Variants in CA1 observed in about 807,000 individuals in gnomAD.
The protein encoded by CA1 is carbonic anhydrase 1, also known as carbonate dehydratase I.
A neutral mutation model predicts 28.8 loss-of-function variants in CA1; 27 were observed. That is an observed-to-expected ratio of 0.94 (90% CI 0.69 to 1.29). The LOEUF is 1.29. Among genes scored for constraint, CA1 ranks in the 50% most tolerant of loss-of-function variants. The pLI is 0.00. For synonymous variants in CA1, 121 were observed against 108.8 expected, an observed-to-expected ratio of 1.11 and a Z score of -0.70; for missense variants, 335 against 310.5, an observed-to-expected ratio of 1.08 and a Z score of -0.59.
intron 7 of CA1, 75 bp downstream of exon 7, chr8:85,329,612 ATC>A: frequency 5.7e-6 from 7 of 1,228,480 alleles, no homozygotes; most frequent in Non-Finnish European, 8.3e-6. Flanking sequence ...TGAAATAATA[ATC>A]TCTCTCACTG....
intron 1 of CA1, among the ~76,000 whole-genome samples, chr8:85,364,087 C>A (rs1809914742): frequency 6.6e-6 from 1 of 152,020 alleles, no homozygotes; most frequent in South Asian, 2.1e-4. Context: ...GCGATCTGCC[C>A]ACCTTGGCCT....
At chr8:85,333,096 T>C (rs1475274613) in intron 5 of CA1, among the ~76,000 whole-genome samples, 4 of 152,280 alleles carry the variant, frequency 2.6e-5, no homozygotes, top group Non-Finnish European at 4.4e-5. Context: ...AAAAATTCTC[T>C]TACTATTTCT....
At chr8:85,365,087 G>A (rs1809953030) in intron 1 of CA1, among the ~76,000 whole-genome samples, 1 of 152,220 alleles carries the variant, frequency 6.6e-6, no homozygotes, top group South Asian at 2.1e-4. Flanking sequence ...CCTGGTTGGA[G>A]ATACAGCTGA....
intron 1 of CA1, among the ~76,000 whole-genome samples, chr8:85,369,939 G>A (rs1036037560): frequency 6.6e-6 from 1 of 152,186 alleles, no homozygotes; most frequent in Admixed American, 6.6e-5. Context: ...GACCAACTAA[G>A]ATCCCTGGAA....
At chr8:85,352,021 T>C (rs1045967071) in intron 1 of CA1, among the ~76,000 whole-genome samples, 3 of 152,174 alleles carry the variant, frequency 2.0e-5, no homozygotes, top group Non-Finnish European at 4.4e-5. Context: ...AACGGTACCA[T>C]GGCAGTTGGG....
intron 1 of CA1, among the ~76,000 whole-genome samples, chr8:85,364,323 G>A (rs916399610): frequency 6.6e-6 from 1 of 152,116 alleles, no homozygotes; most frequent in South Asian, 2.1e-4. Flanking sequence ...TTTCATCTTT[G>A]CATTGCCATA....
Position 85,328,356 on chromosome 8 carries a change from T to G in CA1, c.*204A>C. On this transcript the variant is annotated 3_prime_UTR_variant, in exon 8 of 8. Transcript: ENST00000523022. ...TTAAGCATAAGCTTATGCTTACAGA[T>G]TACTATTTGCTAGCTTACTAATTAT... 1 of 419,504 alleles carries G rather than the reference T, an allele frequency of 2.4e-6. No individual in the cohort carries two copies. The highest frequency in any genetic ancestry group is 4.2e-6 in the Non-Finnish European group (1 of 235,838). The allele number at this position is 419,504 out of a possible 1,614,324, so 26.0% of individuals were successfully genotyped here.
intron 6 of CA1, 98 bp downstream of exon 6, chr8:85,332,392 G>T: frequency 2.2e-6 from 2 of 920,960 alleles, no homozygotes; most frequent in Non-Finnish European, 1.8e-6. Context: ...CTTTTACTAT[G>T]GCCTTCCTAC....
At chr8:85,338,018 A>G (rs755432817) in intron 3 of CA1, 64 of 663,286 alleles carry the variant, frequency 9.6e-5, no homozygotes, top group Non-Finnish European at 1.6e-4. Context: ...AATGACGAGA[A>G]GAGACGTGAT....
chr8:85,344,984 G>A (rs1201056100), intron 1 of CA1, among the ~76,000 whole-genome samples: 1 of 152,210 alleles, frequency 6.6e-6, no homozygotes, highest in African/African-American at 2.4e-5. Context: ...ATCATTTGGG[G>A]TGGCAAGATA....
chr8:85,344,206 ATAATATAATTATAT>A, intron 1 of CA1, among the ~76,000 whole-genome samples: 2 of 110,888 alleles, frequency 1.8e-5, no homozygotes, highest in Non-Finnish European at 3.3e-5. Context: ...TATACAGTAT[ATAATATAATTATAT>A]TATATACAGT....
intron 2 of CA1, among the ~76,000 whole-genome samples, chr8:85,340,169 G>T (rs1439184678): frequency 1.3e-5 from 2 of 152,170 alleles, no homozygotes; most frequent in African/African-American, 4.8e-5. Flanking sequence ...TCAATGCATG[G>T]TTTCAAAGTT....
intron 1 of CA1, among the ~76,000 whole-genome samples, chr8:85,366,641 G>C (rs943274260): frequency 1.3e-5 from 2 of 152,116 alleles, no homozygotes; most frequent in Admixed American, 6.6e-5. Flanking sequence ...AAATTAACAA[G>C]AGTAATTGGA....
intron 4 of CA1, among the ~76,000 whole-genome samples, chr8:85,334,848 G>GGT (rs1808581769): frequency 6.6e-6 from 1 of 152,038 alleles, no homozygotes; most frequent in Non-Finnish European, 1.5e-5. Flanking sequence ...AAATTAGCCG[G>GGT]GTGTGGTGGC....
chr8:85,354,006 A>G (rs1809507873), intron 1 of CA1, among the ~76,000 whole-genome samples: 1 of 151,686 alleles, frequency 6.6e-6, no homozygotes, highest in Non-Finnish European at 1.5e-5. Context: ...ACTGTCACCC[A>G]TGCTGGAGTG....
At chr8:85,328,705 A>G (rs1808275651) in intron 7 of CA1, 29 bp from the exon 8 acceptor site, 4 of 1,376,318 alleles carry the variant, frequency 2.9e-6, no homozygotes, top group East Asian at 2.4e-5. Context: ...TTAAAAATAA[A>G]AAGTTTTTAA....
intron 1 of CA1, among the ~76,000 whole-genome samples, chr8:85,364,643 G>A (rs1809933064): frequency 6.6e-6 from 1 of 152,100 alleles, no homozygotes; most frequent in Admixed American, 6.5e-5. Context: ...TTTTTAATCA[G>A]CTACACTGCT....
chr8:85,354,921 T>C (rs1263273092), intron 1 of CA1, among the ~76,000 whole-genome samples: 1 of 152,220 alleles, frequency 6.6e-6, no homozygotes, highest in Non-Finnish European at 1.5e-5. Context: ...TTGTGCCATC[T>C]GGAGCAACTC....
At chr8:85,339,468 T>A (rs765628526) in intron 2 of CA1, among the ~76,000 whole-genome samples, 4 of 152,202 alleles carry the variant, frequency 2.6e-5, no homozygotes, top group Non-Finnish European at 4.4e-5. Context: ...ATTCCCCATC[T>A]ATCTCCCTCT....
Sources: gnomAD v4.1 joint callset for allele counts (sites outside exome capture counted in the v4.1 genomes callset) on GRCh38, gnomAD v4.1.1 for gene constraint, MANE v1.5 for transcripts, NCBI Gene and HGNC (gene_info 2026-07-23, HGNC 2026-07-21) for gene names.